The following ASIC2 variants were observed in gnomAD, a reference collection of about 807,000 sequenced individuals.
ASIC2 encodes acid-sensing ion channel 2.
ASIC2 carries 25 observed loss-of-function variants against 57.3 expected under a neutral mutation model. The ratio of observed to expected loss-of-function variants is 0.44; its 90% CI spans 0.32 to 0.61. The LOEUF is 0.61. ASIC2 is among the 20% of genes least tolerant of loss of function. The pLI, the probability that ASIC2 is intolerant of heterozygous loss-of-function variation, is 0.06. For synonymous variants in ASIC2, 319 were observed against 307.5 expected (o/e 1.04, Z -0.39); for missense variants, 641 against 738.1 (o/e 0.87, Z 1.52).
chr17:34,045,027 G>A (rs1208958114), intron 1 of ASIC2, among the ~76,000 whole-genome samples: 1 of 152,154 alleles, frequency 6.6e-6, no homozygotes, highest in Admixed American at 6.5e-5. Flanking sequence ...TGATTCCTAG[G>A]TGTGGTGAGT....
chr17:33,974,003 C>G (rs1017009763), intron 1 of ASIC2, among the ~76,000 whole-genome samples: 1 of 152,196 alleles, frequency 6.6e-6, no homozygotes, highest in Non-Finnish European at 1.5e-5. Context: ...ACCTTCTACT[C>G]TGTCCTCCAA....
At chr17:34,131,221 T>C (rs11653822) in intron 1 of ASIC2, among the ~76,000 whole-genome samples, 50,953 of 151,986 alleles carry the variant, frequency 0.34, 9,374 homozygotes, top group Middle Eastern at 0.45. Flanking sequence ...TAGAGAGCCA[T>C]TGATGGACTG....
chr17:33,987,669 C>A (rs115405091), intron 1 of ASIC2, among the ~76,000 whole-genome samples: 1 of 151,112 alleles, frequency 6.6e-6, no homozygotes, highest in Non-Finnish European at 1.5e-5. Flanking sequence ...AACCAACCAA[C>A]CAACCAACGA....
At chr17:33,367,448 A>G (rs189650860) in intron 1 of ASIC2, among the ~76,000 whole-genome samples, 9 of 152,326 alleles carry the variant, frequency 5.9e-5, no homozygotes, top group Admixed American at 3.9e-4. Context: ...AAAGAATCTC[A>G]CTAAAGAAAG....
intron 1 of ASIC2, among the ~76,000 whole-genome samples, chr17:33,377,540 C>A (rs72821136): frequency 3.7e-4 from 57 of 152,232 alleles, no homozygotes; most frequent in Non-Finnish European, 7.5e-4. Flanking sequence ...TTATACTGTC[C>A]CTTCTCTCTG....
At chr17:33,179,581 T>C (rs994325639) in intron 1 of ASIC2, among the ~76,000 whole-genome samples, 6 of 152,194 alleles carry the variant, frequency 3.9e-5, no homozygotes, top group African/African-American at 1.4e-4. Context: ...AGACTTTTAT[T>C]GCATCTCTAC....
chr17:33,485,720 C>A (rs1913554949), intron 1 of ASIC2, among the ~76,000 whole-genome samples: 1 of 152,196 alleles, frequency 6.6e-6, no homozygotes, highest in African/African-American at 2.4e-5. Flanking sequence ...TTGCTTCAAT[C>A]TGGGAGACAG....
chr17:33,790,854 A>T (rs1343433483), intron 1 of ASIC2, among the ~76,000 whole-genome samples: 2 of 152,204 alleles, frequency 1.3e-5, no homozygotes, highest in Non-Finnish European at 2.9e-5. Context: ...TGTACCAGAC[A>T]TGATGCTTAA....
At chr17:33,734,702 T>C (rs560561569) in intron 1 of ASIC2, among the ~76,000 whole-genome samples, 30 of 152,220 alleles carry the variant, frequency 2.0e-4, no homozygotes, top group Non-Finnish European at 3.2e-4. Context: ...GGTGCCCTTA[T>C]AAGAAGAGGA....
At chr17:34,036,588 T>C (rs1309109356) in intron 1 of ASIC2, 1 of 150,750 alleles carries the variant, frequency 6.6e-6, no homozygotes, top group Non-Finnish European at 1.5e-5. Context: ...CAAATTTTAT[T>C]CCATCACAGA....
At chr17:33,799,752 A>G (rs1210027881) in intron 1 of ASIC2, among the ~76,000 whole-genome samples, 2 of 151,846 alleles carry the variant, frequency 1.3e-5, no homozygotes, top group African/African-American at 2.4e-5. Context: ...CAGGGTGACT[A>G]TAGCTACCAT....
intron 1 of ASIC2, among the ~76,000 whole-genome samples, chr17:33,211,924 T>C (rs919678734): frequency 3.3e-5 from 5 of 152,092 alleles, no homozygotes; most frequent in African/African-American, 9.7e-5. Flanking sequence ...ACCAGCTCCA[T>C]GCTGGGTGCC....
intron 1 of ASIC2, among the ~76,000 whole-genome samples, chr17:33,620,150 C>T (rs1905738831): frequency 1.4e-5 from 2 of 145,044 alleles, no homozygotes; most frequent in Admixed American, 1.4e-4. Flanking sequence ...TGTAAAAGTG[C>T]AGTATCTTTA....
At chr17:33,236,433 T>G (rs1243239708) in intron 1 of ASIC2, among the ~76,000 whole-genome samples, 1 of 152,112 alleles carries the variant, frequency 6.6e-6, no homozygotes, top group Non-Finnish European at 1.5e-5. Context: ...AACCTTGAAC[T>G]CCTGGGCTCA....
intron 1 of ASIC2, among the ~76,000 whole-genome samples, chr17:33,816,233 C>T (rs953061980): frequency 4.6e-5 from 7 of 152,016 alleles, no homozygotes; most frequent in Non-Finnish European, 8.8e-5. Flanking sequence ...TAATGCATTG[C>T]TATGGGCTTC....
intron 1 of ASIC2, among the ~76,000 whole-genome samples, chr17:34,010,011 G>A (rs745446660): frequency 6.6e-6 from 1 of 152,148 alleles, no homozygotes; most frequent in Non-Finnish European, 1.5e-5. Context: ...TGAAATTCCC[G>A]CTGTAACAGC....
intron 1 of ASIC2, among the ~76,000 whole-genome samples, chr17:33,903,934 C>A (rs113433102): frequency 0.022 from 3,339 of 152,068 alleles, 114 homozygotes; most frequent in African/African-American, 0.077. Context: ...GAGGCCAAGG[C>A]TTGTGGATCA....
chr17:33,346,276 T>C (rs1265344162), intron 1 of ASIC2, among the ~76,000 whole-genome samples: 2 of 108,684 alleles, frequency 1.8e-5, no homozygotes, highest in African/African-American at 7.1e-5. Context: ...AAAAGGAACA[T>C]AAAGACACCT....
intron 1 of ASIC2, among the ~76,000 whole-genome samples, chr17:33,585,462 A>T (rs961729714): frequency 2.7e-4 from 41 of 152,250 alleles, no homozygotes; most frequent in African/African-American, 9.2e-4. Flanking sequence ...CCCAGAACAA[A>T]TCAACTGAGT....
Sources: allele counts gnomAD v4.1 joint callset (sites outside exome capture counted in the v4.1 genomes callset), GRCh38; gene constraint gnomAD v4.1.1; transcripts MANE v1.5; gene names NCBI Gene and HGNC (gene_info 2026-07-23, HGNC 2026-07-21).